Variants in CPN1 observed in about 807,000 individuals in gnomAD.
CPN1 encodes the protein carboxypeptidase N subunit 1, also known as carboxypeptidase N catalytic chain.
In CPN1, 37 loss-of-function variants were observed where a neutral mutation model predicts 46.4. That is an observed-to-expected ratio of 0.80 (90% confidence interval 0.61 to 1.05). CPN1 has a LOEUF of 1.05. CPN1 is among the 50% of genes least tolerant of loss of function. The pLI, the probability that CPN1 is intolerant of heterozygous loss-of-function variation, is 0.00. For missense variants in CPN1, 563 were observed against 602.6 expected (o/e 0.93, Z 0.69); for synonymous variants, 224 against 235.4 (o/e 0.95, Z 0.44).
intron 5 of CPN1, among the ~76,000 whole-genome samples, chr10:100,063,181 T>C (rs2041430507): frequency 6.6e-6 from 1 of 152,152 alleles, no homozygotes. Context: ...AGTGCAGTGA[T>C]GCGATCATGG....
intron 8 of CPN1, among the ~76,000 whole-genome samples, chr10:100,043,077 G>A (rs1232172551): frequency 6.9e-6 from 1 of 145,106 alleles, no homozygotes; most frequent in Non-Finnish European, 1.5e-5. Flanking sequence ...CTGGGTGACA[G>A]CGAGACTCCA....
intron 7 of CPN1, among the ~76,000 whole-genome samples, chr10:100,051,810 T>A (rs1842994099): frequency 6.6e-6 from 1 of 152,198 alleles, no homozygotes; most frequent in African/African-American, 2.4e-5. Context: ...ATTACAGGCA[T>A]GAGCTACTGT....
intron 7 of CPN1, among the ~76,000 whole-genome samples, chr10:100,051,560 C>T (rs2041353711): frequency 6.6e-6 from 1 of 151,436 alleles, no homozygotes; most frequent in Non-Finnish European, 1.5e-5. Flanking sequence ...TGGAGTCTTG[C>T]TCTGTCGCCC....
rs1183241333 is a variant in CPN1 at position 100,063,506 on chromosome 10, G to A, written c.871+108C>T. 10 of 865,392 alleles carry A rather than the reference G, an allele frequency of 1.2e-5. No individual in the cohort carries two copies. In the Admixed American group the frequency reaches 1.8e-4, roughly 16 times the overall value. The allele number at this position is 865,392 out of a possible 1,614,324, so 53.6% of individuals were successfully genotyped here. On this transcript the variant is annotated intron_variant, in intron 5 of 8. Transcript: ENST00000370418. ...TCATTTTCCAGATCTCAACTTGAGT[G>A]CAAAATTCTATGCTATTCCCATTGT...
At chr10:100,079,042 G>A (rs75211348) in intron 1 of CPN1, among the ~76,000 whole-genome samples, 6,764 of 152,312 alleles carry the variant, frequency 0.044, 196 homozygotes, top group African/African-American at 0.081. Flanking sequence ...CACGGCATGT[G>A]CCATCACACC....
intron 1 of CPN1, among the ~76,000 whole-genome samples, chr10:100,080,376 G>C (rs911879949): frequency 1.3e-5 from 2 of 152,170 alleles, no homozygotes; most frequent in Non-Finnish European, 2.9e-5. Flanking sequence ...ATCCATAACA[G>C]ATTGTGAAAT....
At chr10:100,057,491 A>T (rs2041391181) in intron 5 of CPN1, among the ~76,000 whole-genome samples, 1 of 152,062 alleles carries the variant, frequency 6.6e-6, no homozygotes, top group Non-Finnish European at 1.5e-5. Flanking sequence ...AATGTTATGT[A>T]TCGTTATTAT....
intron 3 of CPN1, among the ~76,000 whole-genome samples, chr10:100,067,491 T>C (rs1212276034): frequency 6.6e-6 from 1 of 152,246 alleles, no homozygotes; most frequent in African/African-American, 2.4e-5. Flanking sequence ...CATGTCAGCA[T>C]GGCTTTTGCT....
rs752640687 is a variant in CPN1 at position 100,081,652 on chromosome 10, A to C, written c.-27T>G. 5 of 1,597,494 alleles carry C rather than the reference A, an allele frequency of 3.1e-6. No homozygotes were observed. The East Asian group carries it at 1.1e-4, about 36-fold the overall frequency. ...TTGCTGGGCTTTTTCAAAGAGAGCCACTGAAACGCGCCCCACCTCCTTAAA... is the reference window on the plus strand; with the variant it reads ...TTGCTGGGCTTTTTCAAAGAGAGCCCCTGAAACGCGCCCCACCTCCTTAAA... On this transcript the variant is annotated 5_prime_UTR_variant, in exon 1 of 9. Transcript: ENST00000370418.
chr10:100,047,837 C>G (rs2041324088), intron 8 of CPN1, among the ~76,000 whole-genome samples: 1 of 151,320 alleles, frequency 6.6e-6, no homozygotes, highest in Non-Finnish European at 1.5e-5. Context: ...AAAAACCCAC[C>G]AAAAATTAGC....
chr10:100,079,821 A>G (rs2041534005), intron 1 of CPN1, among the ~76,000 whole-genome samples: 2 of 152,234 alleles, frequency 1.3e-5, no homozygotes, highest in Admixed American at 6.5e-5. Flanking sequence ...ACGGTGGCTC[A>G]CGCCTGTAAT....
At position 100,050,071 on chromosome 10, in the gene CPN1, G is replaced by A. The variant is rs1015793674; in HGVS notation, c.1112-1195C>T. ...GCTAGACAGAAATAAAACCTACTGA[G>A]GCCAGGTGCGGTGGCTCATGCCTGT... is the stretch of plus-strand genomic sequence containing the variant. On this transcript the variant is annotated intron_variant, in intron 7 of 8. Transcript: ENST00000370418. 3.3e-5 allele frequency among the ~76,000 whole-genome samples: 5 copies of A among 152,202 alleles called. No individual in the cohort carries two copies. In the South Asian group the frequency reaches 6.2e-4, roughly 19 times the overall value.
At position 100,057,294 on chromosome 10, in the gene CPN1, C is replaced by T; in HGVS notation, c.872-142G>A. 3.2e-6 allele frequency: 3 copies of T among 927,450 alleles called. No individual in the cohort carries two copies. In the Admixed American group the frequency reaches 7.8e-5, roughly 24 times the overall value. The allele number at this position is 927,450 out of a possible 1,614,324, so 57.5% of individuals were successfully genotyped here. ...TTTAATTTTATTTATTTCATTGGCA[C>T]ATAATGTGTACATATTCATGTACAT... is the stretch of plus-strand genomic sequence containing the variant. On this transcript the variant is annotated intron_variant, in intron 5 of 8. Coordinates refer to ENST00000370418, the MANE Select transcript of CPN1 (RefSeq NM_001308.3).
In CPN1 at chr10:100,050,988, G is replaced by A. The variant is rs1010280549; in HGVS notation, c.1112-2112C>T. 8.5e-5 allele frequency among the ~76,000 whole-genome samples: 13 copies of A among 152,160 alleles called. No individual in the cohort carries two copies. In the South Asian group the frequency reaches 2.7e-3, roughly 32 times the overall value. ...GCTGGTTGCAGTGGCTCATACCACT[G>A]CACTCCAGCCTGGGCGACAGAGCGA... On this transcript the variant is annotated intron_variant, in intron 7 of 8. Transcript: ENST00000370418.
intron 8 of CPN1, among the ~76,000 whole-genome samples, chr10:100,044,110 T>C (rs1448327286): frequency 2.0e-5 from 3 of 152,134 alleles, no homozygotes; most frequent in Admixed American, 1.3e-4. Flanking sequence ...GGCCTCTCTG[T>C]AGGGTTATTT....
chr10:100,076,025 A>G lies in CPN1; in HGVS notation c.306T>C (p.Phe102=). ...GRELMLQLSE[F]LCEEFRNRNQ... is the part of the protein sequence containing the mutation. ...TCCTGTTCCGGAACTCCTCGCACAG[A>G]AACTCCGACAGCTGCAGCATCAGCT... The change falls in exon 2 of 9, where the codon TTT becomes TTC. Residue 102 remains phenylalanine (F), a synonymous_variant. Transcript: ENST00000370418. 1 of 1,614,186 alleles carries G rather than the reference A, an allele frequency of 6.2e-7. No homozygotes were observed.
At chr10:100,065,411 G>A in intron 3 of CPN1, 41 bp from the exon 4 acceptor site, 1 of 1,611,298 alleles carries the variant, frequency 6.2e-7, no homozygotes, top group East Asian at 2.2e-5. Flanking sequence ...GGCCAACTGG[G>A]GCTACCAAAC....
At chr10:100,054,224 C>G (rs543628582) in intron 7 of CPN1, 123 bp downstream of exon 7, 2 of 767,278 alleles carry the variant, frequency 2.6e-6, no homozygotes, top group East Asian at 2.5e-5. Flanking sequence ...CTCCATCCCC[C>G]CCACTCCCAG....
In CPN1 at chr10:100,069,754, G is replaced by A. The variant is rs2041473770; in HGVS notation, c.536C>T (p.Pro179Leu). The change falls in exon 3 of 9, where the codon CCC becomes CTC. Residue 179 changes from proline (P) to leucine (L), a missense_variant. Physicochemically the swap from Pro to Leu is moderately conservative, Grantham distance 98. Coordinates refer to ENST00000370418, the MANE Select transcript of CPN1 (RefSeq NM_001308.3). ...GTCTGGAAGGGGCAGGTGGTGGTTG[G>A]GGCCTCCGTACTTCTCGTTATAGTA... ...YIYYNEKYGG[P>L]NHHLPLPDNW... 1 of 1,613,588 alleles carries A rather than the reference G, an allele frequency of 6.2e-7. No individual in the cohort carries two copies. The highest frequency in any genetic ancestry group is 1.7e-5 in the Admixed American group (1 of 59,900).
Sources: gnomAD v4.1 joint callset for allele counts (sites outside exome capture counted in the v4.1 genomes callset) on GRCh38, gnomAD v4.1.1 for gene constraint, MANE v1.5 for transcripts, NCBI Gene and HGNC (gene_info 2026-07-23, HGNC 2026-07-21) for gene names.